CNDP1: variants seen among roughly 807,000 people sequenced by gnomAD.
CNDP1 encodes beta-Ala-His dipeptidase.
CNDP1 carries 44 observed loss-of-function variants against 58.1 expected under a neutral mutation model. The ratio of observed to expected loss-of-function variants is 0.76; its 90% CI spans 0.60 to 0.97. The LOEUF is 0.97. Among genes scored for constraint, CNDP1 ranks in the 50% least tolerant of loss-of-function variants. The pLI is 0.00. For synonymous variants in CNDP1, 254 were observed against 252.6 expected, an observed-to-expected ratio of 1.01 and a Z score of -0.05; for missense variants, 616 against 655.1, an observed-to-expected ratio of 0.94 and a Z score of 0.65.
At chr18:74,549,333 T>C (rs146366769) in intron 1 of CNDP1, among the ~76,000 whole-genome samples, 1 of 152,362 alleles carries the variant, frequency 6.6e-6, no homozygotes, top group Non-Finnish European at 1.5e-5. Context: ...GGGTCAAAGA[T>C]TCATTTAATG....
intron 1 of CNDP1, among the ~76,000 whole-genome samples, chr18:74,555,146 GTA>G (rs1257206492): frequency 6.6e-6 from 1 of 152,150 alleles, no homozygotes; most frequent in Non-Finnish European, 1.5e-5. Context: ...ATTTGATAAC[GTA>G]AAACATCTCA....
At chr18:74,561,140 T>G in intron 4 of CNDP1, 122 bp downstream of exon 4, 1 of 1,234,552 alleles carries the variant, frequency 8.1e-7, no homozygotes, top group South Asian at 1.5e-5. Context: ...ATAGGCCGGG[T>G]GCGGTGGCTC....
At chr18:74,544,371 T>A (rs1411361996) in intron 1 of CNDP1, among the ~76,000 whole-genome samples, 2 of 152,142 alleles carry the variant, frequency 1.3e-5, no homozygotes, top group Non-Finnish European at 2.9e-5. Context: ...GGAGCTTATG[T>A]CATGAGAGCC....
intron 1 of CNDP1, among the ~76,000 whole-genome samples, chr18:74,537,561 A>G (rs1219900331): frequency 6.6e-6 from 1 of 152,192 alleles, no homozygotes; most frequent in Non-Finnish European, 1.5e-5. Flanking sequence ...AATGCCCATC[A>G]ACAGCTAGGG....
In CNDP1 at chr18:74,580,181, A is replaced by G. The variant is rs765637855; in HGVS notation, c.1219A>G (p.Met407Val). ...CTCCAAAAGAAATAGTTCCAACAAG[A>G]TGGTTGTTTCCATGACTCTAGGACT... Reference protein sequence around the residue: ...VFSKRNSSNKMVVSMTLGLHP... With the variant: ...VFSKRNSSNKVVVSMTLGLHP... Residue 407 changes from methionine to valine, a missense_variant, in exon 10 of 12, where the codon ATG (methionine) becomes GTG (valine). Coordinates refer to ENST00000358821, the MANE Select transcript of CNDP1 (RefSeq NM_032649.6). The G allele has an allele frequency of 1.2e-6, 2 of 1,614,048 alleles. No individual in the cohort carries two copies. The highest frequency in any genetic ancestry group is 1.7e-6 in the Non-Finnish European group (2 of 1,179,898).
At chr18:74,546,428 C>T (rs957970539) in intron 1 of CNDP1, among the ~76,000 whole-genome samples, 2 of 152,198 alleles carry the variant, frequency 1.3e-5, no homozygotes, top group African/African-American at 4.8e-5. Flanking sequence ...GCTGGACTAG[C>T]TGTCTTCTGC....
chr18:74,543,702 A>T (rs1438134148), intron 1 of CNDP1, among the ~76,000 whole-genome samples: 2 of 152,164 alleles, frequency 1.3e-5, no homozygotes, highest in Non-Finnish European at 2.9e-5. Flanking sequence ...GAGCAGAGAG[A>T]TAACAAGAAA....
Position 74,560,980 on chromosome 18 carries a change from G to A in CNDP1, c.428G>A (p.Gly143Glu). ...GTGCAGCCTGCTGACCGGGGCGATG[G>A]GTGGCTCACGGACCCCTATGTGCTG... ...LDVQPADRGD[G>E]WLTDPYVLTE... The change falls in exon 4 of 12, where the codon GGG becomes GAG. Residue 143 changes from glycine (G) to glutamate (E), a missense_variant. Physicochemically the swap from Gly to Glu is moderately conservative, Grantham distance 98 (BLOSUM62 -2). Transcript: ENST00000358821. The A allele has an allele frequency of 1.2e-6, 2 of 1,614,082 alleles. No individual in the cohort carries two copies. The highest frequency in any genetic ancestry group is 1.3e-5 in the African/African-American group (1 of 75,030).
At position 74,556,450 on chromosome 18, in the gene CNDP1, A is replaced by G; in HGVS notation, c.137A>G (p.Gln46Arg). 6.2e-7 allele frequency: 1 copy of G among 1,614,234 alleles called. No individual in the cohort carries two copies. Among genetic ancestry groups the G allele is most frequent in the Admixed American group, 1.7e-5 (1 of 60,032 alleles). Reference sequence around the variant, plus strand: ...GTCTTCCAGTACATTGACCTCCATCAGGATGAATTTGTGCAGGTAGGAGAA... The same window carrying G: ...GTCTTCCAGTACATTGACCTCCATCGGGATGAATTTGTGCAGGTAGGAGAA... The part of the protein sequence containing the change: ...EKVFQYIDLH[Q>R]DEFVQTLKEW... The change falls in exon 2 of 12, where the codon CAG becomes CGG. Residue 46 changes from glutamine (Q) to arginine (R), a missense_variant. By Grantham distance (43) the Gln-to-Arg change is conservative. Transcript: ENST00000358821.
Position 74,567,234 on chromosome 18 carries a change from A to C in CNDP1, c.557A>C (p.Asp186Ala). ...AVSAFRALEQ[D>A]LPVNIKFIIE... ...TTTTTTTCTTCTGTTGTTACTTAGG[A>C]TCTTCCTGTGAATATCAAATTCATC... The change falls in exon 6 of 12, where the codon GAT becomes GCT. Residue 186 changes from aspartate (D) to alanine (A), a missense_variant and splice_region_variant. Asp to Ala is a moderately radical substitution (Grantham distance 126). Coordinates refer to ENST00000358821, the MANE Select transcript of CNDP1 (RefSeq NM_032649.6). The C allele has an allele frequency of 6.2e-7, 1 of 1,613,826 alleles. No homozygotes were observed. Among genetic ancestry groups the C allele is most frequent in the Non-Finnish European group, 8.5e-7 (1 of 1,179,762 alleles).
chr18:74,567,399 A>G lies in CNDP1; in HGVS notation c.722A>G (p.Tyr241Cys). 1 of 1,614,096 alleles carries G rather than the reference A, an allele frequency of 6.2e-7. No homozygotes were observed. Among genetic ancestry groups the G allele is most frequent in the South Asian group, 1.1e-5 (1 of 91,082 alleles). The change falls in exon 6 of 12, where the codon TAC becomes TGC. Residue 241 changes from tyrosine (Y) to cysteine (C), a missense_variant. Physicochemically the swap from Tyr to Cys is radical, Grantham distance 194. Transcript: ENST00000358821. ...AGCCAAAGGAAGCCAGCAATCACTT[A>G]CGGAACCCGGGGGAACAGCTACTTC... ...WISQRKPAIT[Y>C]GTRGNSYFMV...
chr18:74,575,861 G>GTA (rs1981622135), intron 7 of CNDP1, among the ~76,000 whole-genome samples: 1 of 138,416 alleles, frequency 7.2e-6, no homozygotes, highest in African/African-American at 2.7e-5. Context: ...GTGTGTGTGT[G>GTA]TATACATTTT....
At chr18:74,541,681 G>T (rs1465117607) in intron 1 of CNDP1, among the ~76,000 whole-genome samples, 1 of 152,180 alleles carries the variant, frequency 6.6e-6, no homozygotes, top group Admixed American at 6.5e-5. Flanking sequence ...GAGCCCTGAG[G>T]TCCTCCCCAG....
At position 74,585,777 on chromosome 18, in the gene CNDP1, C is replaced by T. The variant is rs1981895793; in HGVS notation, c.*1215C>T. The stretch of plus-strand genomic sequence containing the variant: ...TCGGAGGCCGAGGTGGGCGGATCAC[C>T]TGAGGTCGGGAGTTCGAGATCAGCC... On this transcript the variant is annotated 3_prime_UTR_variant, in exon 12 of 12. Coordinates refer to ENST00000358821, the MANE Select transcript of CNDP1 (RefSeq NM_032649.6). 1 of 150,096 alleles carries T rather than the reference C, an allele frequency of 6.7e-6. No homozygotes were observed. The highest frequency in any genetic ancestry group is 2.1e-4 in the South Asian group (1 of 4,814). 9.3% of individuals were successfully genotyped at this position (150,096 alleles called of 1,614,324 possible).
chr18:74,571,144 C>G lies in CNDP1; in HGVS notation c.757-42C>G, dbSNP rs377521190. On this transcript the variant is annotated intron_variant, in intron 6 of 11. Transcript: ENST00000358821. Reference sequence around the variant, plus strand: ...TGTGAAATGCTTACACTAAAGGAACCAAGGCAGGAAGTATATCTCTTACCT... The same window carrying G: ...TGTGAAATGCTTACACTAAAGGAACGAAGGCAGGAAGTATATCTCTTACCT... The G allele has an allele frequency of 2.4e-5, 33 of 1,358,052 alleles. No individual in the cohort carries two copies. The African/African-American group carries it at 4.3e-4, about 18-fold the overall frequency. The allele number at this position is 1,358,052 out of a possible 1,614,324, so 84.1% of individuals were successfully genotyped here.
At chr18:74,557,005 G>T (rs2144653018) in intron 2 of CNDP1, among the ~76,000 whole-genome samples, 1 of 150,758 alleles carries the variant, frequency 6.6e-6, no homozygotes, top group Non-Finnish European at 1.5e-5. Context: ...AACTTCCCAG[G>T]TTCAGGTGAT....
chr18:74,578,453 G>C (rs1981691453), intron 9 of CNDP1, 126 bp downstream of exon 9: 1 of 971,188 alleles, frequency 1.0e-6, no homozygotes, highest in Non-Finnish European at 1.6e-6. Flanking sequence ...CACAAGAGGA[G>C]TGGAACAAAT....
At chr18:74,568,603 C>T (rs1410066671) in intron 6 of CNDP1, among the ~76,000 whole-genome samples, 1 of 152,122 alleles carries the variant, frequency 6.6e-6, no homozygotes, top group Non-Finnish European at 1.5e-5. Context: ...GGGCGAGCTC[C>T]AGACCCAGGG....
At chr18:74,579,181 C>CTCCCTTTCCTTCCCT in intron 9 of CNDP1, among the ~76,000 whole-genome samples, 2 of 119,778 alleles carry the variant, frequency 1.7e-5, no homozygotes, top group East Asian at 4.7e-4. Flanking sequence ...CTTCTCCCTT[C>CTCCCTTTCCTTCCCT]TCCCTTTCCT....
Sources: gnomAD v4.1 joint callset for allele counts (sites outside exome capture counted in the v4.1 genomes callset) on GRCh38, gnomAD v4.1.1 for gene constraint, MANE v1.5 for transcripts, NCBI Gene and HGNC (gene_info 2026-07-23, HGNC 2026-07-21) for gene names.